The following CDH13 variants were observed in gnomAD, a reference collection of about 807,000 sequenced individuals.
CDH13 encodes cadherin-13.
In CDH13, 24 loss-of-function variants were observed where a neutral mutation model predicts 63.8. The observed-to-expected ratio is 0.38, with a 90% CI of 0.27 to 0.53. The LOEUF is 0.53. Among genes scored for constraint, CDH13 ranks in the 20% least tolerant of loss-of-function variants. The probability of loss-of-function intolerance (pLI) is 0.85; values close to 1 mark genes in which losing one functional copy is unlikely to be tolerated. For synonymous variants in CDH13, 503 were observed against 355.3 expected (o/e 1.42, Z -4.67); for missense variants, 1,049 against 903.1 (o/e 1.16, Z -2.07).
intron 7 of CDH13, among the ~76,000 whole-genome samples, chr16:83,581,154 T>G (rs1290907657): frequency 3.3e-5 from 5 of 152,218 alleles, no homozygotes; most frequent in Non-Finnish European, 5.9e-5. Flanking sequence ...CAAAAATCAT[T>G]ACTGCATTTG....
chr16:82,749,233 A>G lies in CDH13; in HGVS notation c.46-109129A>G, dbSNP rs541411876. On this transcript the variant is annotated intron_variant, in intron 1 of 13. Coordinates refer to ENST00000567109, the MANE Select transcript of CDH13 (RefSeq NM_001257.5). ...TGACAGACCTTACGGTGTTATTCAA[A>G]TCCCTGGATCCAGCTGTACCTAAAG... is the stretch of plus-strand genomic sequence containing the variant. Among the ~76,000 whole-genome samples the G allele has an allele frequency of 2.3e-4, 35 of 152,272 alleles. 1 individual carries two copies. The South Asian group carries it at 6.2e-3, about 27-fold the overall frequency.
chr16:83,138,879 C>A (rs2036412381), intron 4 of CDH13, among the ~76,000 whole-genome samples: 3 of 152,014 alleles, frequency 2.0e-5, no homozygotes, highest in Non-Finnish European at 4.4e-5. Context: ...CAGTGAAGGG[C>A]CATGGTGGGG....
rs920623830 is a variant in CDH13 at position 82,977,452 on chromosome 16, G to A, written c.158-54558G>A. On this transcript the variant is annotated intron_variant, in intron 2 of 13. Transcript: ENST00000567109. ...CCACGTGTAATGGGAGGAACCTAGT[G>A]GGAGGTAATTTAATTATGAGTGAGT... Among the ~76,000 whole-genome samples, 6 of 152,142 alleles carry A rather than the reference G, an allele frequency of 3.9e-5. No individual in the cohort carries two copies. The South Asian group carries it at 8.3e-4, about 21-fold the overall frequency.
chr16:83,714,015 A>G (rs1482962127), intron 10 of CDH13, among the ~76,000 whole-genome samples: 1 of 152,186 alleles, frequency 6.6e-6, no homozygotes, highest in Non-Finnish European at 1.5e-5. Context: ...TCACTTGTCC[A>G]GAGTAGATCT....
At chr16:83,483,110 T>C (rs2073810126) in intron 6 of CDH13, among the ~76,000 whole-genome samples, 1 of 152,162 alleles carries the variant, frequency 6.6e-6, no homozygotes, top group African/African-American at 2.4e-5. Flanking sequence ...ATGAATAATG[T>C]GGCCACGGTC....
At chr16:83,102,949 T>TTTTTTTTTTTTCTTTTTC (rs2034566552) in intron 3 of CDH13, among the ~76,000 whole-genome samples, 1 of 45,322 alleles carries the variant, frequency 2.2e-5, no homozygotes, top group African/African-American at 7.7e-5. Context: ...TTTCTTTTTC[T>TTTTTTTTTTTTCTTTTTC]TTTTTTTTTT....
At chr16:83,044,906 T>C (rs535889662) in intron 3 of CDH13, among the ~76,000 whole-genome samples, 32 of 152,326 alleles carry the variant, frequency 2.1e-4, no homozygotes, top group Admixed American at 1.8e-3. Flanking sequence ...GTATATAGGA[T>C]AGAACAAGAT....
chr16:83,574,088 G>C (rs548772141), intron 7 of CDH13, among the ~76,000 whole-genome samples: 25 of 152,218 alleles, frequency 1.6e-4, no homozygotes, highest in African/African-American at 5.5e-4. Context: ...CTGCGAAATG[G>C]GCAGCTGCTG....
intron 8 of CDH13, among the ~76,000 whole-genome samples, chr16:83,661,195 C>G (rs1299051326): frequency 6.6e-6 from 1 of 152,070 alleles, no homozygotes; most frequent in African/African-American, 2.4e-5. Flanking sequence ...TGTACCATCT[C>G]AAACATTCTT....
chr16:83,276,589 G>C (rs1374909343), intron 5 of CDH13, among the ~76,000 whole-genome samples: 1 of 152,046 alleles, frequency 6.6e-6, no homozygotes, highest in Non-Finnish European at 1.5e-5. Flanking sequence ...TCACATCTTG[G>C]GCCAGGCGTG....
intron 6 of CDH13, among the ~76,000 whole-genome samples, chr16:83,441,171 CG>C (rs1567674422): frequency 6.6e-6 from 1 of 152,060 alleles, no homozygotes; most frequent in African/African-American, 2.4e-5. Context: ...GTCATCTGGT[CG>C]ACTGTGGATG....
intron 4 of CDH13, among the ~76,000 whole-genome samples, chr16:83,174,944 C>G (rs905384310): frequency 3.3e-5 from 5 of 152,052 alleles, no homozygotes; most frequent in African/African-American, 1.2e-4. Context: ...GGAACTGCCC[C>G]CATGATCCAG....
At chr16:83,560,388 GGAGGATGTT>G in intron 7 of CDH13, among the ~76,000 whole-genome samples, 1 of 152,288 alleles carries the variant, frequency 6.6e-6, no homozygotes, top group East Asian at 1.9e-4. Flanking sequence ...GGATGAACCT[GGAGGATGTT>G]ATGCTAAGTG....
At chr16:83,724,517 G>T (rs967877853) in intron 10 of CDH13, among the ~76,000 whole-genome samples, 1 of 152,038 alleles carries the variant, frequency 6.6e-6, no homozygotes, top group African/African-American at 2.4e-5. Flanking sequence ...TGCATGAGTC[G>T]GTGGATGAAT....
In CDH13 at chr16:83,232,227, T is replaced by TA. The variant is rs1555516432; in HGVS notation, c.636+14745dup. On this transcript the variant is annotated intron_variant, in intron 5 of 13. Transcript: ENST00000567109. ...GTGTTTTCTTTTTTTTTTTTTTTTT[T>TA]AAAAAAAAAAAAAAAGGCTGGGCAC... Among the ~76,000 whole-genome samples, 456 of 67,652 alleles carry TA rather than the reference T, an allele frequency of 6.7e-3. 10 individuals are homozygous for TA. Among genetic ancestry groups the TA allele is most frequent in the African/African-American group, 0.023 (434 of 18,974 alleles). The allele number at this position is 67,652 out of a possible 152,430, so 44.4% of individuals were successfully genotyped here. A position where few individuals can be genotyped will look rare whatever the true frequency, so the allele number is the denominator to read the frequency against.
rs985852337 is a variant in CDH13 at position 83,423,450 on chromosome 16, C to A, written c.782-63027C>A. Reference sequence around the variant, plus strand: ...GAAATTCCAGGAATCCTTGATCTCGCATCTTTTAAACTGATTTCACAGAGG... The same window carrying A: ...GAAATTCCAGGAATCCTTGATCTCGAATCTTTTAAACTGATTTCACAGAGG... On this transcript the variant is annotated intron_variant, in intron 6 of 13. Transcript: ENST00000567109. Among the ~76,000 whole-genome samples, 4 of 151,770 alleles carry A rather than the reference C, an allele frequency of 2.6e-5. 1 individual carries two copies. Among genetic ancestry groups the A allele is most frequent in the African/African-American group, 9.7e-5 (4 of 41,310 alleles).
In CDH13 at chr16:83,356,198, GTTTA is replaced by G. The variant is rs567062719; in HGVS notation, c.781+11200_781+11203del. 1.5e-3 allele frequency among the ~76,000 whole-genome samples: 231 copies of G among 149,388 alleles called. 1 individual carries two copies. Among genetic ancestry groups the G allele is most frequent in the African/African-American group, 5.0e-3 (204 of 40,718 alleles). On this transcript the variant is annotated intron_variant, in intron 6 of 13. Coordinates refer to ENST00000567109, the MANE Select transcript of CDH13 (RefSeq NM_001257.5). Reference sequence around the variant, plus strand: ...AGCATTTTCTTACACAGATGAGTGAGTTTATTTATTTTCATGTGTGTGTGTGTGT... The same window carrying G: ...AGCATTTTCTTACACAGATGAGTGAGTTTATTTTCATGTGTGTGTGTGTGT...
intron 9 of CDH13, among the ~76,000 whole-genome samples, chr16:83,672,570 G>C (rs1042987513): frequency 1.3e-5 from 2 of 151,570 alleles, no homozygotes; most frequent in African/African-American, 4.9e-5. Flanking sequence ...GATTACAGGT[G>C]CATGCCACCA....
intron 6 of CDH13, among the ~76,000 whole-genome samples, chr16:83,351,602 T>A (rs1056859297): frequency 9.9e-5 from 15 of 152,222 alleles, no homozygotes; most frequent in Non-Finnish European, 1.5e-4. Context: ...AGAGTCTGGA[T>A]CTACCATCGT....
Sources: allele counts gnomAD v4.1 joint callset (sites outside exome capture counted in the v4.1 genomes callset), GRCh38; gene constraint gnomAD v4.1.1; transcripts MANE v1.5; gene names NCBI Gene and HGNC (gene_info 2026-07-23, HGNC 2026-07-21).